Variants in TNK2 observed in about 807,000 individuals in gnomAD.
TNK2 encodes activated CDC42 kinase 1.
Under a neutral mutation model 101.8 loss-of-function variants are expected in TNK2, and 83 were observed. That is an observed-to-expected ratio of 0.82 (90% CI 0.68 to 0.98). TNK2 has a LOEUF of 0.98. Ranked by LOEUF, TNK2 falls within the 50% of genes least tolerant of loss-of-function variation. The pLI is 0.00. For missense variants in TNK2, 1,665 were observed against 1,483.2 expected, an observed-to-expected ratio of 1.12 and a Z score of -2.01; for synonymous variants, 804 against 633.0, an observed-to-expected ratio of 1.27 and a Z score of -4.06.
At chr3:195,864,564 C>T (rs1277539104) in intron 15 of TNK2, among the ~76,000 whole-genome samples, 2 of 144,322 alleles carry the variant, frequency 1.4e-5, no homozygotes, top group African/African-American at 5.2e-5. Context: ...GTGCCTGCAT[C>T]CTAGATGCAA....
chr3:195,882,009 G>C lies in TNK2; in HGVS notation c.887+42C>G, dbSNP rs755746568. ...AAAGCCCCAGAAGCTTTGAGGCCTG[G>C]GTCTGCAGGGACTCTGTGAGCTGGC... On this transcript the variant is annotated intron_variant, in intron 6 of 15. Transcript: ENST00000672887. This position sits in a 1 kb window ranked among gnomAD's most constrained non-coding sequence, Gnocchi z 4.2. 1.9e-6 allele frequency: 3 copies of C among 1,581,160 alleles called. No individual in the cohort carries two copies. The highest frequency in any genetic ancestry group is 2.6e-6 in the Non-Finnish European group (3 of 1,160,924).
rs966257794 is a variant in TNK2, at chr3:195,867,282, T to A, written c.2938-18A>T. The A allele has an allele frequency of 4.3e-5, 49 of 1,144,696 alleles. No homozygotes were observed. Among genetic ancestry groups the A allele is most frequent in the Non-Finnish European group, 5.6e-5 (46 of 825,876 alleles). The allele number at this position is 1,144,696 out of a possible 1,614,324, so 70.9% of individuals were successfully genotyped here. A position where few individuals can be genotyped will look rare whatever the true frequency, so the allele number is the denominator to read the frequency against. ...GCCTGCAGCTGGGCACACCCACCCC[T>A]GTCAGCACCACTAGGGCCCACTGCT... On this transcript the variant is annotated intron_variant, in intron 13 of 15. Transcript: ENST00000672887.
intron 10 of TNK2, among the ~76,000 whole-genome samples, chr3:195,871,707 C>A (rs1745437494): frequency 6.6e-6 from 1 of 152,196 alleles, no homozygotes; most frequent in Non-Finnish European, 1.5e-5. Flanking sequence ...AGCTCCTGAC[C>A]CTACTTTCAT....
At chr3:195,890,611 G>C (rs1208532717) in intron 1 of TNK2, among the ~76,000 whole-genome samples, 7 of 151,988 alleles carry the variant, frequency 4.6e-5, no homozygotes, top group Non-Finnish European at 1.0e-4. Flanking sequence ...GCTAATTTTT[G>C]TATTTTTAGT....
At chr3:195,902,194 G>A (rs779169396) in intron 1 of TNK2, among the ~76,000 whole-genome samples, 9 of 152,206 alleles carry the variant, frequency 5.9e-5, no homozygotes, top group Non-Finnish European at 1.3e-4. Flanking sequence ...ATCCCAGCGT[G>A]AGAGACACTT....
At position 195,867,617 on chromosome 3, in the gene TNK2, G is replaced by A. The variant is rs1222233042; in HGVS notation, c.2681C>T (p.Ala894Val). The A allele has an allele frequency of 1.9e-6, 3 of 1,598,778 alleles. No homozygotes were observed. Among genetic ancestry groups the A allele is most frequent in the South Asian group, 1.1e-5 (1 of 90,916 alleles). ...GGGGGTAGGCTCCTCGGGGCTCTGG[G>A]CCTCACGCAGGAAGCGCTGGTAGCG... is the stretch of plus-strand genomic sequence containing the variant. The part of the protein sequence containing the change: ...LERYQRFLRE[A>V]QSPEEPTPLP... Residue 894 changes from alanine (A) to valine (V), a missense_variant, in exon 13 of 16, where the codon GCC becomes GTC. By Grantham distance (64) the Ala-to-Val change is moderately conservative. Coordinates refer to ENST00000672887, the MANE Select transcript of TNK2 (RefSeq NM_001382273.1).
rs754944000 is a variant in TNK2, at chr3:195,886,748, G to A, written c.234+229C>T. ...CGAGAGGGGCTGTGAAGGCCTCACC[G>A]CACACAGGCTGCTCACGTGTCCGTA... On this transcript the variant is annotated intron_variant, in intron 3 of 15. Coordinates refer to ENST00000672887, the MANE Select transcript of TNK2 (RefSeq NM_001382273.1). This position sits in a 1 kb window ranked among gnomAD's most constrained non-coding sequence, Gnocchi z 4.2. Among the ~76,000 whole-genome samples the A allele has an allele frequency of 1.5e-4, 23 of 152,218 alleles. No individual in the cohort carries two copies. Among genetic ancestry groups the A allele is most frequent in the Non-Finnish European group, 2.6e-4 (18 of 68,004 alleles).
Position 195,879,061 on chromosome 3 carries a change from G to A in TNK2, c.1002C>T (p.Leu334=). Residue 334 remains leucine (L), a synonymous_variant, in exon 7 of 16, where the codon CTC becomes CTT. Transcript: ENST00000672887. The stretch of plus-strand genomic sequence containing the variant: ...TCCCAGCCCTCACCTGACTGCCGTT[G>A]AGGCCGATCCAGGGCTCCTGGCCGT... The part of the protein sequence containing the change: ...FTYGQEPWIG[L]NGSQILHKID... 6.2e-7 allele frequency: 1 copy of A among 1,613,602 alleles called. No individual in the cohort carries two copies. The highest frequency in any genetic ancestry group is 1.1e-5 in the South Asian group (1 of 91,086).
chr3:195,904,169 G>C (rs528080159), intron 1 of TNK2, among the ~76,000 whole-genome samples: 3 of 150,586 alleles, frequency 2.0e-5, no homozygotes, highest in African/African-American at 4.9e-5. Context: ...GAGGTGGGAC[G>C]ATCACCTGAG....
chr3:195,884,839 G>GC lies in TNK2; in HGVS notation c.428dup (p.Glu144ArgfsTer76). 6.2e-7 allele frequency: 1 copy of GC among 1,612,492 alleles called. No homozygotes were observed. The highest frequency in any genetic ancestry group is 8.5e-7 in the Non-Finnish European group (1 of 1,179,846). On this transcript the variant is annotated frameshift_variant, in exon 4 of 16. Transcript: ENST00000672887. LOFTEE classifies it high-confidence loss of function. ...TCTTCCCTGAGGGCGCGTCCCACTC[G>GC]CCCCTGCGCACCACGCCAAAGGAAC...
chr3:195,873,217 T>A (rs1746664496), intron 9 of TNK2, among the ~76,000 whole-genome samples: 1 of 152,130 alleles, frequency 6.6e-6, no homozygotes, highest in Non-Finnish European at 1.5e-5. Context: ...CCAGTCCCCC[T>A]CTGACCTCAG....
chr3:195,901,341 G>A (rs867811531), intron 1 of TNK2, among the ~76,000 whole-genome samples: 4 of 152,200 alleles, frequency 2.6e-5, no homozygotes, highest in Non-Finnish European at 5.9e-5. Context: ...AGGGTAGGGG[G>A]AGAGCCCTGC....
intron 9 of TNK2, chr3:195,876,730 G>A (rs1749560231): frequency 2.3e-6 from 1 of 435,646 alleles, no homozygotes; most frequent in Non-Finnish European, 4.6e-6. Context: ...CAGCGGCTGG[G>A]GCCAACGGGG....
At chr3:195,869,411 C>A (rs1476772925) in intron 12 of TNK2, 86 bp downstream of exon 12, 1 of 1,425,706 alleles carries the variant, frequency 7.0e-7, no homozygotes, top group East Asian at 2.5e-5. Context: ...TCCGGCCCAG[C>A]CGCCCAGGCT....
chr3:195,881,749 C>T (rs1359225706), intron 6 of TNK2, among the ~76,000 whole-genome samples: 7 of 150,616 alleles, frequency 4.6e-5, no homozygotes, highest in African/African-American at 1.7e-4. Flanking sequence ...ACACGACCCC[C>T]AACAATGCCC....
chr3:195,898,520 T>A (rs1408405484), intron 1 of TNK2, among the ~76,000 whole-genome samples: 1 of 152,178 alleles, frequency 6.6e-6, no homozygotes, highest in Admixed American at 6.5e-5. Context: ...TGGGCTGCAC[T>A]CCTCACCTAG....
chr3:195,891,547 C>G (rs562500878), intron 1 of TNK2, among the ~76,000 whole-genome samples: 24 of 152,316 alleles, frequency 1.6e-4, no homozygotes, highest in African/African-American at 4.8e-4. Context: ...GACCAGGCGT[C>G]GTGGCTTTCC....
At chr3:195,869,450 GA>G in intron 12 of TNK2, 46 bp downstream of exon 12, 1 of 1,542,452 alleles carries the variant, frequency 6.5e-7, no homozygotes, top group South Asian at 1.2e-5. Context: ...GAGTGAGAGA[GA>G]GGGGGCGGGG....
At chr3:195,889,599 C>T (rs1408184651) in intron 1 of TNK2, among the ~76,000 whole-genome samples, 1 of 152,208 alleles carries the variant, frequency 6.6e-6, no homozygotes, top group Non-Finnish European at 1.5e-5. Context: ...TTTAACAATG[C>T]TGAATAGTTC....
Sources: allele counts gnomAD v4.1 joint callset (sites outside exome capture counted in the v4.1 genomes callset), GRCh38; gene constraint gnomAD v4.1.1; non-coding constraint Gnocchi (gnomAD v3.1); transcripts MANE v1.5; gene names NCBI Gene and HGNC (gene_info 2026-07-23, HGNC 2026-07-21).